Variants in RASSF3 observed in about 807,000 individuals in gnomAD.
RASSF3 encodes the protein Ras association domain family member 3.
A neutral mutation model predicts 19.9 loss-of-function variants in RASSF3; 19 were observed. The ratio of observed to expected loss-of-function variants is 0.96; its 90% CI spans 0.67 to 1.40. RASSF3 has a LOEUF of 1.40. Among genes scored for constraint, RASSF3 ranks in the 40% most tolerant of loss-of-function variants. The probability of loss-of-function intolerance (pLI) is 0.00; values close to 1 mark genes in which losing one functional copy is unlikely to be tolerated. For missense variants in RASSF3, 306 were observed against 289.8 expected (o/e 1.06, Z -0.41); for synonymous variants, 110 against 104.2 (o/e 1.06, Z -0.34).
chr12:64,679,470 A>C, intron 1 of RASSF3, among the ~76,000 whole-genome samples: 1 of 152,206 alleles, frequency 6.6e-6, no homozygotes, highest in South Asian at 2.1e-4. Flanking sequence ...AAAGAGTATA[A>C]ACAATTCTCA....
chr12:64,693,828 G>A (rs1868318777), intron 4 of RASSF3, among the ~76,000 whole-genome samples: 1 of 152,220 alleles, frequency 6.6e-6, no homozygotes, highest in Non-Finnish European at 1.5e-5. Context: ...CAAATAGCGA[G>A]AAGTACGGCA....
At chr12:64,625,292 C>A (rs1255152241) in intron 1 of RASSF3, among the ~76,000 whole-genome samples, 1 of 152,048 alleles carries the variant, frequency 6.6e-6, no homozygotes, top group African/African-American at 2.4e-5. Context: ...GAGCTGTTGC[C>A]TGCTGACCAC....
chr12:64,522,091 G>A (rs369770346), intron 1 of RASSF3, among the ~76,000 whole-genome samples: 2 of 152,170 alleles, frequency 1.3e-5, no homozygotes, highest in East Asian at 3.9e-4. Context: ...ACACCATGAA[G>A]CATGAAAGCA....
intron 1 of RASSF3, among the ~76,000 whole-genome samples, chr12:64,652,337 A>G (rs1009536848): frequency 1.3e-5 from 2 of 151,900 alleles, no homozygotes; most frequent in Non-Finnish European, 2.9e-5. Context: ...TGCTTTCTTC[A>G]TGGCCATCGC....
intron 2 of RASSF3, among the ~76,000 whole-genome samples, chr12:64,589,840 T>C (rs1230781906): frequency 6.6e-6 from 1 of 150,784 alleles, no homozygotes; most frequent in Non-Finnish European, 1.5e-5. Context: ...CCATCTCTAC[T>C]AAAATACTAA....
chr12:64,578,767 C>T (rs967863208), intron 2 of RASSF3, among the ~76,000 whole-genome samples: 13 of 152,224 alleles, frequency 8.5e-5, no homozygotes. Context: ...CTTGACTACT[C>T]GCCTACACTG....
At chr12:64,684,334 T>G (rs1592469217) in intron 1 of RASSF3, among the ~76,000 whole-genome samples, 1 of 151,996 alleles carries the variant, frequency 6.6e-6, no homozygotes, top group South Asian at 2.1e-4. Flanking sequence ...TCTGCCGTCC[T>G]TGGCCTCTCA....
At chr12:64,665,906 A>G (rs181192042) in intron 1 of RASSF3, among the ~76,000 whole-genome samples, 3 of 152,324 alleles carry the variant, frequency 2.0e-5, no homozygotes, top group Admixed American at 2.0e-4. Context: ...TAGCAGTAGT[A>G]ATAGTAATGA....
At chr12:64,521,834 TAA>T (rs1868485672) in intron 1 of RASSF3, among the ~76,000 whole-genome samples, 2 of 152,202 alleles carry the variant, frequency 1.3e-5, no homozygotes, top group African/African-American at 4.8e-5. Context: ...CACACAGCTT[TAA>T]AGAGGCATAG....
chr12:64,520,555 C>CATATATATAT lies in RASSF3; in HGVS notation c.169+13257_169+13266dup, dbSNP rs66975333. ...ACACACACAGATACACACATACACA[C>CATATATATAT]ATATATATATATATATATATATATA... is the stretch of plus-strand genomic sequence containing the variant. On this transcript the variant is annotated intron_variant, in intron 1 of 5. Transcript: ENST00000637125. Among the ~76,000 whole-genome samples, 417 of 86,022 alleles carry CATATATATAT rather than the reference C, an allele frequency of 4.8e-3. 5 individuals carry two copies. The highest frequency in any genetic ancestry group is 5.8e-3 in the Non-Finnish European group (234 of 40,060). 56.4% of individuals were successfully genotyped at this position (86,022 alleles called of 152,430 possible). A position where few individuals can be genotyped will look rare whatever the true frequency, so the allele number is the denominator to read the frequency against.
rs1555217405 is a variant in RASSF3, at chr12:64,693,164, T to TA, written c.567+1588dup. On this transcript the variant is annotated intron_variant, in intron 4 of 4. Coordinates refer to ENST00000542104, the MANE Select transcript of RASSF3 (RefSeq NM_178169.4). ...TTGCTCTTTTTTTTTTTTTTTTTTT[T>TA]AAATAACCAGCCTAAACTGTTCTCC... is the stretch of plus-strand genomic sequence containing the variant. Among the ~76,000 whole-genome samples the TA allele has an allele frequency of 1.7e-3, 248 of 150,110 alleles. 2 individuals are homozygous for TA. Among genetic ancestry groups the TA allele is most frequent in the Middle Eastern group, 3.4e-3 (1 of 294 alleles).
intron 2 of RASSF3, among the ~76,000 whole-genome samples, chr12:64,559,558 C>A (rs1010918684): frequency 6.6e-6 from 1 of 152,040 alleles, no homozygotes; most frequent in Non-Finnish European, 1.5e-5. Context: ...TGTGAGCCAC[C>A]GCGCCTGGCC....
chr12:64,683,311 C>T (rs1268150866), intron 1 of RASSF3, among the ~76,000 whole-genome samples: 2 of 152,150 alleles, frequency 1.3e-5, no homozygotes, highest in Non-Finnish European at 2.9e-5. Flanking sequence ...GCCTGGTATA[C>T]TTCATCAGGG....
intron 2 of RASSF3, among the ~76,000 whole-genome samples, chr12:64,577,337 G>A (rs1869611605): frequency 6.6e-6 from 1 of 152,188 alleles, no homozygotes; most frequent in African/African-American, 2.4e-5. Flanking sequence ...CTGCCATTTA[G>A]CGCTACAATG....
At chr12:64,682,269 G>A (rs1206169240) in intron 1 of RASSF3, among the ~76,000 whole-genome samples, 1 of 152,088 alleles carries the variant, frequency 6.6e-6, no homozygotes, top group Non-Finnish European at 1.5e-5. Flanking sequence ...ACATTGAAAA[G>A]TCACGGAGAT....
intron 1 of RASSF3, among the ~76,000 whole-genome samples, chr12:64,648,331 C>A (rs1871812334): frequency 6.6e-6 from 1 of 152,084 alleles, no homozygotes; most frequent in African/African-American, 2.4e-5. Flanking sequence ...TGATGGAGAA[C>A]TTGCAGTAGG....
chr12:64,564,709 A>G (rs1869400106), intron 2 of RASSF3, among the ~76,000 whole-genome samples: 1 of 151,964 alleles, frequency 6.6e-6, no homozygotes, highest in African/African-American at 2.4e-5. Context: ...ACAAGCTGCC[A>G]TCTCCAACAG....
At chr12:64,633,101 A>T (rs1871219256) in intron 1 of RASSF3, among the ~76,000 whole-genome samples, 1 of 152,116 alleles carries the variant, frequency 6.6e-6, no homozygotes, top group African/African-American at 2.4e-5. Flanking sequence ...CTGTTTCTTC[A>T]ATCATTTTGT....
At chr12:64,627,566 G>A (rs1011637373) in intron 1 of RASSF3, among the ~76,000 whole-genome samples, 21 of 152,108 alleles carry the variant, frequency 1.4e-4, no homozygotes, top group African/African-American at 5.1e-4. Context: ...GAGGACAGAG[G>A]GAGTCCCAAT....
Sources: gnomAD v4.1 joint callset for allele counts (sites outside exome capture counted in the v4.1 genomes callset) on GRCh38, gnomAD v4.1.1 for gene constraint, MANE v1.5 for transcripts, NCBI Gene and HGNC (gene_info 2026-07-23, HGNC 2026-07-21) for gene names.